GLIS3: variants seen among roughly 807,000 people sequenced by gnomAD.
GLIS3 encodes the protein GLIS family zinc finger 3.
In GLIS3, 53 loss-of-function variants were observed where a neutral mutation model predicts 78.6. That is an observed-to-expected ratio of 0.67 (90% CI 0.54 to 0.85). The LOEUF (loss-of-function observed/expected upper bound fraction) is 0.85, where lower values mean the gene tolerates loss of function less well. GLIS3 is among the 40% of genes least tolerant of loss of function. The probability of loss-of-function intolerance (pLI) is 0.00; values close to 1 mark genes in which losing one functional copy is unlikely to be tolerated. For synonymous variants in GLIS3, 684 were observed against 509.9 expected (o/e 1.34, Z -4.60); for missense variants, 1,703 against 1,231.1 (o/e 1.38, Z -5.74).
intron 4 of GLIS3, among the ~76,000 whole-genome samples, chr9:3,962,961 GAGAGAT>G (rs1198024506): frequency 1.0e-4 from 12 of 118,526 alleles, no homozygotes; most frequent in African/African-American, 4.1e-4. Context: ...GGGGGGGGGA[GAGAGAT>G]TTATTGAGGT....
the GLIS3 span, among the ~76,000 whole-genome samples, chr9:4,366,103 G>C: frequency 6.6e-6 from 1 of 152,298 alleles, no homozygotes; most frequent in African/African-American, 2.4e-5. Flanking sequence ...AGAAGACAGG[G>C]AGAAATGGGC....
chr9:3,953,785 CTCTCTCTCTCTA>C (rs1338458491), intron 4 of GLIS3, among the ~76,000 whole-genome samples: 97 of 42,294 alleles, frequency 2.3e-3, no homozygotes, highest in South Asian at 8.3e-3. Flanking sequence ...CTCTCTCTCT[CTCTCTCTCTCTA>C]TATATATATA....
chr9:4,270,913 GTGTGTGTGTGTGTGTGTGTGTA>G (rs973774403), intron 2 of GLIS3, among the ~76,000 whole-genome samples: 3 of 141,036 alleles, frequency 2.1e-5, no homozygotes, highest in East Asian at 2.3e-4. Context: ...GTGTGTGTGT[GTGTGTGTGTGTGTGTGTGTGTA>G]TACACAACTG....
intron 4 of GLIS3, among the ~76,000 whole-genome samples, chr9:4,083,824 G>A (rs999740697): frequency 5.3e-5 from 8 of 152,192 alleles, no homozygotes; most frequent in African/African-American, 1.9e-4. Flanking sequence ...TAAGCTTACA[G>A]TACTCTTGCC....
At chr9:4,206,212 C>G (rs1477628260) in intron 2 of GLIS3, among the ~76,000 whole-genome samples, 1 of 152,074 alleles carries the variant, frequency 6.6e-6, no homozygotes, top group Non-Finnish European at 1.5e-5. Flanking sequence ...AGGGATATTG[C>G]AAGTGAGTAT....
intron 9 of GLIS3, among the ~76,000 whole-genome samples, chr9:3,852,246 T>C (rs1481725910): frequency 6.6e-6 from 1 of 152,238 alleles, no homozygotes; most frequent in African/African-American, 2.4e-5. Context: ...TTTTATATTC[T>C]TATTTGTCTC....
intron 4 of GLIS3, among the ~76,000 whole-genome samples, chr9:4,017,980 T>C (rs982702096): frequency 2.0e-5 from 3 of 152,186 alleles, no homozygotes; most frequent in African/African-American, 7.2e-5. Context: ...GGGCAGGCCT[T>C]GTCCCAAGGC....
At chr9:4,449,299 G>T in the GLIS3 span, among the ~76,000 whole-genome samples, 1 of 152,046 alleles carries the variant, frequency 6.6e-6, no homozygotes, top group African/African-American at 2.4e-5. Context: ...GCTTGAGTAG[G>T]TAAAGAAAGT....
chr9:3,896,520 C>G (rs1822840795), intron 7 of GLIS3, among the ~76,000 whole-genome samples: 1 of 151,286 alleles, frequency 6.6e-6, no homozygotes, highest in Non-Finnish European at 1.5e-5. Context: ...CAAAAAACTA[C>G]CCAGGTGTGG....
intron 2 of GLIS3, among the ~76,000 whole-genome samples, chr9:4,190,689 A>C (rs1011084903): frequency 1.2e-4 from 19 of 152,174 alleles, no homozygotes; most frequent in Admixed American, 9.8e-4. Flanking sequence ...GAATGCCACA[A>C]AGATACTCCT....
chr9:4,314,164 G>A (rs750351810), intron 2 of GLIS3, among the ~76,000 whole-genome samples: 3 of 152,248 alleles, frequency 2.0e-5, no homozygotes, highest in Non-Finnish European at 1.5e-5. Flanking sequence ...GGATGGTCAT[G>A]AGGATTAAGT....
At chr9:4,208,581 G>C (rs10758572) in intron 2 of GLIS3, among the ~76,000 whole-genome samples, 40,044 of 152,114 alleles carry the variant, frequency 0.26, 5,942 homozygotes, top group African/African-American at 0.4. Flanking sequence ...GTTTGGGAGA[G>C]GGGATTTTAC....
chr9:4,061,063 AT>A (rs147437972), intron 4 of GLIS3, among the ~76,000 whole-genome samples: 39,354 of 146,760 alleles, frequency 0.27, 5,335 homozygotes, highest in Middle Eastern at 0.43. Context: ...CTACTGATCC[AT>A]TTTTTTTTTT....
At chr9:4,239,377 T>C (rs1480720632) in intron 2 of GLIS3, among the ~76,000 whole-genome samples, 1 of 152,160 alleles carries the variant, frequency 6.6e-6, no homozygotes, top group Non-Finnish European at 1.5e-5. Flanking sequence ...ACTTTTTTTT[T>C]TTCTCTGCGA....
intron 4 of GLIS3, among the ~76,000 whole-genome samples, chr9:4,047,741 A>G (rs1482234552): frequency 2.6e-5 from 4 of 152,218 alleles, no homozygotes; most frequent in African/African-American, 4.8e-5. Flanking sequence ...GCCAGCACAG[A>G]AAAGGGAACC....
At chr9:3,950,541 C>G (rs1487365576) in intron 4 of GLIS3, among the ~76,000 whole-genome samples, 1 of 152,222 alleles carries the variant, frequency 6.6e-6, no homozygotes, top group Non-Finnish European at 1.5e-5. Context: ...TTTGCACATG[C>G]TATTTCCTTT....
At chr9:4,274,779 C>T (rs1269189548) in intron 2 of GLIS3, among the ~76,000 whole-genome samples, 1 of 152,210 alleles carries the variant, frequency 6.6e-6, no homozygotes, top group African/African-American at 2.4e-5. Flanking sequence ...GCCCTGTGCA[C>T]ATGAATCACC....
At chr9:4,277,620 T>G (rs1827149425) in intron 2 of GLIS3, among the ~76,000 whole-genome samples, 2 of 152,238 alleles carry the variant, frequency 1.3e-5, no homozygotes, top group South Asian at 4.1e-4. Context: ...AATGAATAAC[T>G]AACTCCCTTT....
intron 4 of GLIS3, among the ~76,000 whole-genome samples, chr9:3,976,492 T>C (rs1397825493): frequency 3.1e-5 from 2 of 65,464 alleles, no homozygotes; most frequent in African/African-American, 1.9e-4. Flanking sequence ...CCATTGCCTA[T>C]TTTTTTTTTC....
Sources: gnomAD v4.1 joint callset for allele counts (sites outside exome capture counted in the v4.1 genomes callset) on GRCh38, gnomAD v4.1.1 for gene constraint, MANE v1.5 for transcripts, NCBI Gene and HGNC (gene_info 2026-07-23, HGNC 2026-07-21) for gene names.